RCC1: variants seen among roughly 807,000 people sequenced by gnomAD.
RCC1 encodes the protein regulator of chromosome condensation.
Under a neutral mutation model 44.4 loss-of-function variants are expected in RCC1, and 11 were observed. The ratio of observed to expected loss-of-function variants is 0.25; its 90% confidence interval spans 0.16 to 0.41. The LOEUF (loss-of-function observed/expected upper bound fraction) is 0.41, where lower values mean the gene tolerates loss of function less well. RCC1 is among the 10% of genes least tolerant of loss of function. The pLI is 1.00. For missense variants in RCC1, 386 were observed against 547.1 expected (o/e 0.71, Z 2.94); for synonymous variants, 213 against 216.5 (o/e 0.98, Z 0.14).
intron 5 of RCC1, chr1:28,530,443 G>C: frequency 7.5e-7 from 1 of 1,328,474 alleles, no homozygotes; most frequent in Non-Finnish European, 1.0e-6. Flanking sequence ...CCCGGAGGGG[G>C]ACAGGGAGGA....
chr1:28,517,972 A>G (rs1662993292), intron 4 of RCC1, among the ~76,000 whole-genome samples: 2 of 152,122 alleles, frequency 1.3e-5, no homozygotes, highest in Admixed American at 1.3e-4. Flanking sequence ...TTCTCCGTAC[A>G]GACCCTACCG....
At chr1:28,509,115 T>A (rs1315557036) in intron 3 of RCC1, 2 of 329,768 alleles carry the variant, frequency 6.1e-6, no homozygotes, top group South Asian at 4.9e-5. Context: ...CATACCTCTT[T>A]TAAAAGTCGA....
chr1:28,506,077 TCTC>T lies in RCC1; in HGVS notation c.-266_-264del, dbSNP rs1314166494. 4.4e-6 allele frequency: 2 copies of T among 456,060 alleles called. No homozygotes were observed. Among genetic ancestry groups the T allele is most frequent in the Non-Finnish European group, 8.8e-6 (2 of 226,788 alleles). The allele number at this position is 456,060 out of a possible 1,614,324, so 28.3% of individuals were successfully genotyped here. A position where few individuals can be genotyped will look rare whatever the true frequency, so the allele number is the denominator to read the frequency against. ...AGACAGATTCGCAGTGGTCGCTTCT[TCTC>T]CTTGGTAAGTGTGATCCTTGGTAAG... is the stretch of plus-strand genomic sequence containing the variant. On this transcript the variant is annotated 5_prime_UTR_variant, in exon 1 of 13. Coordinates refer to ENST00000683442, the MANE Select transcript of RCC1 (RefSeq NM_001381865.2).
chr1:28,517,697 T>C (rs915892129), intron 4 of RCC1, among the ~76,000 whole-genome samples: 2 of 152,048 alleles, frequency 1.3e-5, no homozygotes, highest in Non-Finnish European at 2.9e-5. Flanking sequence ...CCATGATCTG[T>C]CACTCCCACA....
At chr1:28,506,203 T>TATAATCATATATTTTA in intron 1 of RCC1, 119 bp downstream of exon 1, 1 of 314,102 alleles carries the variant, frequency 3.2e-6, no homozygotes, top group African/African-American at 2.3e-5. Flanking sequence ...TTTATTTACT[T>TATAATCATATATTTTA]TTTTTTTTTT....
At chr1:28,520,935 C>T (rs1440469900) in intron 4 of RCC1, among the ~76,000 whole-genome samples, 1 of 151,950 alleles carries the variant, frequency 6.6e-6, no homozygotes, top group African/African-American at 2.4e-5. Context: ...AAGCAGTTAG[C>T]CAGGCGTGGT....
At chr1:28,520,270 G>C (rs917919041) in intron 4 of RCC1, among the ~76,000 whole-genome samples, 1 of 152,200 alleles carries the variant, frequency 6.6e-6, no homozygotes, top group Non-Finnish European at 1.5e-5. Context: ...CTTCCTCCTG[G>C]TGTGGGGGAC....
chr1:28,530,476 G>T lies in RCC1; in HGVS notation c.73+537G>T, dbSNP rs74065013. 4.8e-5 allele frequency: 73 copies of T among 1,536,780 alleles called. No homozygotes were observed. In the African/African-American group the frequency reaches 8.8e-4, roughly 18 times the overall value. On this transcript the variant is annotated intron_variant, in intron 5 of 12. Transcript: ENST00000683442. The stretch of plus-strand genomic sequence containing the variant: ...GGAGAGAAAAGCCAGCACCAAACTG[G>T]GAGGGGAAGTGTGGACCCACGCTCA...
chr1:28,514,483 C>T (rs1318365059), intron 3 of RCC1, among the ~76,000 whole-genome samples: 5 of 148,624 alleles, frequency 3.4e-5, no homozygotes, highest in Non-Finnish European at 7.4e-5. Context: ...TTCTGGCGGC[C>T]TGGTGTGGTG....
At chr1:28,506,140 T>A (rs1661898343) in intron 1 of RCC1, 56 bp downstream of exon 1, 1 of 454,122 alleles carries the variant, frequency 2.2e-6, no homozygotes. Flanking sequence ...GTTGTGGGTC[T>A]AATGCTATAG....
chr1:28,532,412 A>G (rs568008604), intron 7 of RCC1, 62 bp downstream of exon 7: 2 of 1,570,522 alleles, frequency 1.3e-6, no homozygotes, highest in South Asian at 1.2e-5. Flanking sequence ...GCGGGGCCCC[A>G]AAGATAATCC....
chr1:28,508,026 C>G, intron 1 of RCC1, 102 bp from the exon 2 acceptor site: 1 of 368,358 alleles, frequency 2.7e-6, no homozygotes, highest in Admixed American at 3.3e-5. Flanking sequence ...CAAACCTATA[C>G]TCCAGTGCCA....
intron 2 of RCC1, 179 bp from the exon 3 acceptor site, chr1:28,508,651 T>C (rs1271564461): frequency 1.9e-6 from 1 of 518,878 alleles, no homozygotes; most frequent in East Asian, 5.4e-5. Context: ...TACAGTCCCT[T>C]TCCACAACGT....
At chr1:28,514,878 AAAAT>A (rs140467016) in intron 3 of RCC1, among the ~76,000 whole-genome samples, 4,367 of 152,298 alleles carry the variant, frequency 0.029, 135 homozygotes, top group African/African-American at 0.076. Context: ...CCGTCTCGAA[AAAAT>A]AAATAAATAT....
In RCC1 at chr1:28,536,198, A is replaced by T. The variant is rs545699660; in HGVS notation, c.818-64A>T. 4 of 1,590,648 alleles carry T rather than the reference A, an allele frequency of 2.5e-6. No homozygotes were observed. The Admixed American group carries it at 7.0e-5, about 28-fold the overall frequency. On this transcript the variant is annotated intron_variant, in intron 10 of 12. Coordinates refer to ENST00000683442, the MANE Select transcript of RCC1 (RefSeq NM_001381865.2). The surrounding 1 kb of genome is among the most constrained non-coding windows in gnomAD (Gnocchi z 4.9). Reference sequence around the variant, plus strand: ...TGATGGGAGGTGGCCTCACTGTGGGAGGAGATTGAGAAGGGCAGCTCTCAG... The same window carrying T: ...TGATGGGAGGTGGCCTCACTGTGGGTGGAGATTGAGAAGGGCAGCTCTCAG...
chr1:28,525,588 G>A lies in RCC1; in HGVS notation c.-9-4270G>A, dbSNP rs574531862. ...TGCACTTTTTAGTGTGGGACAAGGG[G>A]TCTCAAAAGACAGGTGGGAGGATTC... On this transcript the variant is annotated intron_variant, in intron 4 of 12. Coordinates refer to ENST00000683442, the MANE Select transcript of RCC1 (RefSeq NM_001381865.2). Among the ~76,000 whole-genome samples, 367 of 152,266 alleles carry A rather than the reference G, an allele frequency of 2.4e-3. 2 individuals carry two copies. The highest frequency in any genetic ancestry group is 8.4e-3 in the African/African-American group (349 of 41,550).
chr1:28,526,489 G>A (rs1272037660), intron 4 of RCC1: 1 of 574,412 alleles, frequency 1.7e-6, no homozygotes, highest in African/African-American at 1.9e-5. Context: ...ATCCAGGCAA[G>A]ACGGCTAAAG....
At chr1:28,532,441 T>A in intron 7 of RCC1, 91 bp downstream of exon 7, 1 of 1,379,600 alleles carries the variant, frequency 7.2e-7, no homozygotes, top group Non-Finnish European at 1.0e-6. Flanking sequence ...GCCCCCATGG[T>A]ACTTACTGGT....
At chr1:28,519,464 C>T (rs61785982) in intron 4 of RCC1, among the ~76,000 whole-genome samples, 52,894 of 151,982 alleles carry the variant, frequency 0.35, 9,874 homozygotes, top group African/African-American at 0.47. Context: ...TTCTGTTCAT[C>T]GTTACAACTT....
Sources: allele counts gnomAD v4.1 joint callset (sites outside exome capture counted in the v4.1 genomes callset), GRCh38; gene constraint gnomAD v4.1.1; non-coding constraint Gnocchi (gnomAD v3.1); transcripts MANE v1.5; gene names NCBI Gene and HGNC (gene_info 2026-07-23, HGNC 2026-07-21).